Variants in SORBS2 observed in about 807,000 individuals in gnomAD.
SORBS2 encodes the protein sorbin and SH3 domain containing 2.
Under a neutral mutation model 97.7 loss-of-function variants are expected in SORBS2, and 46 were observed. That is an observed-to-expected ratio of 0.47 (90% CI 0.37 to 0.60). SORBS2 has a LOEUF of 0.60. SORBS2 is among the 20% of genes least tolerant of loss of function. The pLI is 0.00. For missense variants in SORBS2, 1,316 were observed against 1,282.3 expected (o/e 1.03, Z -0.40); for synonymous variants, 476 against 473.4 (o/e 1.01, Z -0.07).
intron 1 of SORBS2, among the ~76,000 whole-genome samples, chr4:185,872,583 T>C (rs2149746070): frequency 6.6e-6 from 1 of 152,346 alleles, no homozygotes; most frequent in African/African-American, 2.4e-5. Flanking sequence ...TTTTGAATTA[T>C]TTAGACTCTC....
intron 1 of SORBS2, among the ~76,000 whole-genome samples, chr4:185,808,788 A>C (rs1339277466): frequency 6.6e-6 from 1 of 152,216 alleles, no homozygotes; most frequent in Non-Finnish European, 1.5e-5. Context: ...CAACTTCATA[A>C]GTGTCTTACA....
rs995558073 is a variant in SORBS2, at chr4:185,909,916, G to A, written c.-338+46280C>T. On this transcript the variant is annotated intron_variant, in intron 1 of 20. Transcript: ENST00000284776. ...GGAGAATTGCTTGAACCCGGGAGGC[G>A]GAGGTTGAAGTGAGCTGAGATCGCT... 8.6e-5 allele frequency among the ~76,000 whole-genome samples: 13 copies of A among 151,498 alleles called. No individual in the cohort carries two copies. In the East Asian group the frequency reaches 2.1e-3, roughly 25 times the overall value.
At chr4:185,594,092 T>TAATA in intron 12 of SORBS2, 157 bp from the exon 25 acceptor site, 1 of 592,126 alleles carries the variant, frequency 1.7e-6, no homozygotes, top group Non-Finnish European at 3.0e-6. Context: ...TCTGCAGGAT[T>TAATA]AATAATTAAA....
Position 185,626,857 on chromosome 4 carries a change from A to C in SORBS2, c.609T>G (p.Ser203=), listed in dbSNP as rs1802262. The C allele has an allele frequency of 8.9e-3, 14,320 of 1,614,148 alleles. 1,003 individuals are homozygous for C. In the African/African-American group the frequency reaches 0.16, roughly 18 times the overall value. Reference sequence around the variant, plus strand: ...CTTTTGCTCTTGATGGGGAAGAAGGAGAAGAGCTAGTGAAAGACTTTGTAA... The same window carrying C: ...CTTTTGCTCTTGATGGGGAAGAAGGCGAAGAGCTAGTGAAAGACTTTGTAA... Residue 203 remains serine (S), a synonymous_variant, in exon 6 of 15, where the codon TCT becomes TCG. Transcript: ENST00000418609.
At chr4:185,722,499 T>G (rs1414036185) in intron 2 of SORBS2, among the ~76,000 whole-genome samples, 1 of 152,208 alleles carries the variant, frequency 6.6e-6, no homozygotes, top group Non-Finnish European at 1.5e-5. Context: ...TTTTCAGAAG[T>G]GTGAAAACTG....
chr4:185,705,371 C>T (rs1441850525), intron 2 of SORBS2, among the ~76,000 whole-genome samples: 1 of 151,804 alleles, frequency 6.6e-6, no homozygotes, highest in Non-Finnish European at 1.5e-5. Context: ...CATGGTGAAA[C>T]CCCGTCTCTA....
chr4:185,923,472 A>ATTTTTTTTTTTTTTTTTTTTTTTTTT lies in SORBS2; in HGVS notation c.-338+32723_-338+32724insAAAAAAAAAAAAAAAAAAAAAAAAAA, dbSNP rs535695706. Among the ~76,000 whole-genome samples the ATTTTTTTTTTTTTTTTTTTTTTTTTT allele has an allele frequency of 2.4e-4, 27 of 110,476 alleles. 2 individuals carry two copies. Among genetic ancestry groups the ATTTTTTTTTTTTTTTTTTTTTTTTTT allele is most frequent in the African/African-American group, 5.3e-4 (15 of 28,346 alleles). 72.5% of individuals were successfully genotyped at this position (110,476 alleles called of 152,430 possible). ...TGCTTGGCTAAGTTTCTTTTTTTTA[A>ATTTTTTTTTTTTTTTTTTTTTTTTTT]TTTTTTTTTTTTGTAGAGACAGGAC... On this transcript the variant is annotated intron_variant, in intron 1 of 20. Coordinates refer to the SORBS2 transcript ENST00000284776.
chr4:185,787,188 G>C (rs1307391501), intron 1 of SORBS2, among the ~76,000 whole-genome samples: 1 of 152,048 alleles, frequency 6.6e-6, no homozygotes, highest in Admixed American at 6.5e-5. Flanking sequence ...AATACAACCA[G>C]TTCCCAGCAC....
intron 1 of SORBS2, among the ~76,000 whole-genome samples, chr4:185,806,492 C>CT (rs1585137288): frequency 8.9e-6 from 1 of 112,476 alleles, no homozygotes; most frequent in Non-Finnish European, 1.6e-5. Flanking sequence ...GAGTCTCGCT[C>CT]TGTCGCCCAG....
chr4:185,940,724 C>T (rs1431153489), intron 1 of SORBS2, among the ~76,000 whole-genome samples: 3 of 152,210 alleles, frequency 2.0e-5, no homozygotes, highest in Non-Finnish European at 2.9e-5. Flanking sequence ...TTTATCTTTG[C>T]TGTTGCCTCT....
chr4:185,879,168 C>CCA (rs1561262000), intron 1 of SORBS2, among the ~76,000 whole-genome samples: 4 of 80,090 alleles, frequency 5.0e-5, no homozygotes, highest in African/African-American at 2.4e-4. Flanking sequence ...CTATCCCTCC[C>CCA]CCCCCCCCAC....
chr4:185,634,287 A>T (rs1008440475), intron 4 of SORBS2, among the ~76,000 whole-genome samples: 1 of 152,238 alleles, frequency 6.6e-6, no homozygotes, highest in Non-Finnish European at 1.5e-5. Flanking sequence ...ATGTGTCAGT[A>T]GTACCTCCTA....
At chr4:185,886,855 G>C (rs912271600) in intron 1 of SORBS2, among the ~76,000 whole-genome samples, 1 of 152,178 alleles carries the variant, frequency 6.6e-6, no homozygotes, top group Non-Finnish European at 1.5e-5. Flanking sequence ...TTGAAAAGCT[G>C]GGCTTTGAAG....
chr4:185,902,665 G>C (rs2099248348), intron 1 of SORBS2, among the ~76,000 whole-genome samples: 1 of 146,874 alleles, frequency 6.8e-6, no homozygotes, highest in Non-Finnish European at 1.5e-5. Context: ...GAAGAGGTTA[G>C]AGATAAAAAT....
chr4:185,923,091 T>A (rs976892591), intron 1 of SORBS2, among the ~76,000 whole-genome samples: 5 of 152,094 alleles, frequency 3.3e-5, no homozygotes, highest in Admixed American at 6.5e-5. Flanking sequence ...TTAAGAGCAT[T>A]AAAGGGGATA....
chr4:185,677,882 A>T (rs370494931), intron 4 of SORBS2, among the ~76,000 whole-genome samples: 2 of 152,322 alleles, frequency 1.3e-5, no homozygotes, highest in South Asian at 4.1e-4. Flanking sequence ...CAGAGAATAC[A>T]TTATAACATT....
At chr4:185,721,730 C>T (rs1005621359) in intron 2 of SORBS2, among the ~76,000 whole-genome samples, 8 of 152,310 alleles carry the variant, frequency 5.3e-5, no homozygotes, top group African/African-American at 1.7e-4. Context: ...TTATGTTTTG[C>T]ACGCATTGGA....
At chr4:185,600,565 C>T (rs563019496) in intron 12 of SORBS2, among the ~76,000 whole-genome samples, 3 of 152,288 alleles carry the variant, frequency 2.0e-5, no homozygotes, top group African/African-American at 7.2e-5. Flanking sequence ...TCTTGAACTC[C>T]TGACCTCAAG....
chr4:185,609,330 G>T (rs949634987), intron 12 of SORBS2, among the ~76,000 whole-genome samples: 1 of 152,142 alleles, frequency 6.6e-6, no homozygotes, highest in African/African-American at 2.4e-5. Context: ...CAGACCATCA[G>T]GTTTCCACTT....
Sources: allele counts gnomAD v4.1 joint callset (sites outside exome capture counted in the v4.1 genomes callset), GRCh38; gene constraint gnomAD v4.1.1; transcripts MANE v1.5; gene names NCBI Gene and HGNC (gene_info 2026-07-23, HGNC 2026-07-21).